Variants in HSD17B7 observed in about 807,000 individuals in gnomAD.
HSD17B7 encodes the protein 3-keto-steroid reductase/17-beta-hydroxysteroid dehydrogenase 7.
HSD17B7 carries 17 observed loss-of-function variants against 34.1 expected under a neutral mutation model. That is an observed-to-expected ratio of 0.50 (90% CI 0.34 to 0.75). The LOEUF is 0.75. Ranked by LOEUF, HSD17B7 falls within the 30% of genes least tolerant of loss-of-function variation. The pLI is 0.01. For synonymous variants in HSD17B7, 122 were observed against 154.6 expected (o/e 0.79, Z 1.56); for missense variants, 296 against 406.6 (o/e 0.73, Z 2.34).
chr1:162,795,824 A>G (rs1204982135), intron 2 of HSD17B7, among the ~76,000 whole-genome samples: 2 of 152,162 alleles, frequency 1.3e-5, no homozygotes, highest in African/African-American at 4.8e-5. Context: ...CTAGTTCAAA[A>G]TGAGTACATT....
rs1224926635 is a variant in HSD17B7, at chr1:162,812,448, A to T, written c.*28A>T. 6.4e-7 allele frequency: 1 copy of T among 1,558,724 alleles called. No homozygotes were observed. Among genetic ancestry groups the T allele is most frequent in the Non-Finnish European group, 8.7e-7 (1 of 1,146,206 alleles). On this transcript the variant is annotated 3_prime_UTR_variant, in exon 9 of 9. Coordinates refer to ENST00000254521, the MANE Select transcript of HSD17B7 (RefSeq NM_016371.4). ...CCAGCACTTTGGGAGGCCAAGGCAG[A>T]AGGATCACTTGAGACCAGGAGTTCA...
rs1328858124 is a variant in HSD17B7, at chr1:162,792,647, T to C, written c.36-12T>C. On this transcript the variant is annotated splice_polypyrimidine_tract_variant and intron_variant, in intron 1 of 8. Coordinates refer to ENST00000254521, the MANE Select transcript of HSD17B7 (RefSeq NM_016371.4). ...AGATAACCCACATCTTGTGTCTGAATTGTCCTCCCAGTGGCATTGGCCTGG... is the reference window on the plus strand; with the variant it reads ...AGATAACCCACATCTTGTGTCTGAACTGTCCTCCCAGTGGCATTGGCCTGG... 1 of 1,608,198 alleles carries C rather than the reference T, an allele frequency of 6.2e-7. No homozygotes were observed. Among genetic ancestry groups the C allele is most frequent in the Non-Finnish European group, 8.5e-7 (1 of 1,177,106 alleles).
Position 162,792,513 on chromosome 1 carries a change from C to T in HSD17B7, c.36-146C>T, listed in dbSNP as rs1648443022. On this transcript the variant is annotated intron_variant, in intron 1 of 8. Transcript: ENST00000254521. ...GACTATTGGAGTGTAGGATTCCTCC[C>T]TTCTTAAATAATTGTTGAGTCTTTT... is the stretch of plus-strand genomic sequence containing the variant. 2.3e-5 allele frequency: 23 copies of T among 1,014,532 alleles called. No individual in the cohort carries two copies. The East Asian group carries it at 6.1e-4, about 27-fold the overall frequency. 62.8% of individuals were successfully genotyped at this position (1,014,532 alleles called of 1,614,324 possible).
At chr1:162,810,913 CTG>C (rs1209748429) in intron 8 of HSD17B7, among the ~76,000 whole-genome samples, 1 of 152,116 alleles carries the variant, frequency 6.6e-6, no homozygotes, top group African/African-American at 2.4e-5. Context: ...ATTTGCCAGT[CTG>C]TGTCTTTTAG....
chr1:162,792,265 T>A (rs1406331822), intron 1 of HSD17B7, among the ~76,000 whole-genome samples: 7 of 152,188 alleles, frequency 4.6e-5, no homozygotes, highest in Non-Finnish European at 8.8e-5. Flanking sequence ...AAAGTCAAAA[T>A]GCACATAGGA....
intron 8 of HSD17B7, among the ~76,000 whole-genome samples, chr1:162,811,529 C>T (rs1233128060): frequency 6.6e-6 from 1 of 152,224 alleles, no homozygotes; most frequent in African/African-American, 2.4e-5. Flanking sequence ...CCTGTACATA[C>T]TGTTGAGATT....
In HSD17B7 at chr1:162,793,023, T is replaced by TTTTC. The variant is rs564465096; in HGVS notation, c.239+169_239+172dup. The TTTTC allele has an allele frequency of 1.2e-3, 577 of 480,014 alleles. 2 individuals carry two copies. Among genetic ancestry groups the TTTTC allele is most frequent in the South Asian group, 9.3e-3 (393 of 42,094 alleles). The allele number at this position is 480,014 out of a possible 1,614,324, so 29.7% of individuals were successfully genotyped here. ...TGACCCATTGTGTCTCAGTACCACG[T>TTTTC]TTTCTTTCTTTTTTTTTTTTTTTTT... On this transcript the variant is annotated intron_variant, in intron 2 of 8. Coordinates refer to ENST00000254521, the MANE Select transcript of HSD17B7 (RefSeq NM_016371.4).
intron 5 of HSD17B7, among the ~76,000 whole-genome samples, chr1:162,802,054 C>T (rs539211066): frequency 6.6e-6 from 1 of 152,026 alleles, no homozygotes; most frequent in South Asian, 2.1e-4. Flanking sequence ...CCTTTTGAAG[C>T]CCTGTGTTAC....
Position 162,796,755 on chromosome 1 carries a change from TGGG to T in HSD17B7, c.332+82_332+84del, listed in dbSNP as rs1022912139. ...GCCTAGTTTTGATGGCATGTTAAGT[TGGG>T]GGGATGAAAGGTAAGGGGTTGTTGA... On this transcript the variant is annotated intron_variant, in intron 3 of 8. Coordinates refer to ENST00000254521, the MANE Select transcript of HSD17B7 (RefSeq NM_016371.4). The T allele has an allele frequency of 1.2e-5, 11 of 891,422 alleles. No homozygotes were observed. In the East Asian group the frequency reaches 1.4e-4, roughly 12 times the overall value. 55.2% of individuals were successfully genotyped at this position (891,422 alleles called of 1,614,324 possible).
At position 162,800,972 on chromosome 1, in the gene HSD17B7, T is replaced by G. The variant is rs549623820; in HGVS notation, c.642+1035T>G. ...CAGGTGGTATTCTGTGTTCTGGCTC[T>G]TAGAATGATGCCCCCCTTTTTTTTT... On this transcript the variant is annotated intron_variant, in intron 5 of 8. Coordinates refer to ENST00000254521, the MANE Select transcript of HSD17B7 (RefSeq NM_016371.4). Among the ~76,000 whole-genome samples, 37 of 152,308 alleles carry G rather than the reference T, an allele frequency of 2.4e-4. No individual in the cohort carries two copies. In the East Asian group the frequency reaches 3.9e-3, roughly 16 times the overall value.
At chr1:162,804,155 A>G (rs1648905572) in intron 6 of HSD17B7, 112 bp from the exon 7 acceptor site, 1 of 645,246 alleles carries the variant, frequency 1.5e-6, no homozygotes, top group African/African-American at 1.9e-5. Flanking sequence ...TTGTTACTTA[A>G]AAAGTGTTCT....
intron 8 of HSD17B7, among the ~76,000 whole-genome samples, chr1:162,810,077 G>A (rs538785601): frequency 6.6e-6 from 1 of 152,236 alleles, no homozygotes; most frequent in East Asian, 1.9e-4. Flanking sequence ...GCTTTCTCTT[G>A]TGGGCTTTTA....
chr1:162,807,423 G>A (rs1489033664), intron 8 of HSD17B7, among the ~76,000 whole-genome samples: 10 of 152,140 alleles, frequency 6.6e-5, no homozygotes, highest in South Asian at 2.1e-4. Context: ...GAATAGTGCC[G>A]CAGTAAACAT....
At chr1:162,805,137 T>C (rs1558096262) in intron 7 of HSD17B7, among the ~76,000 whole-genome samples, 1 of 152,228 alleles carries the variant, frequency 6.6e-6, no homozygotes. Flanking sequence ...GGAATTGGCT[T>C]TGATGCTCTT....
intron 5 of HSD17B7, among the ~76,000 whole-genome samples, chr1:162,801,857 A>T (rs1571004385): frequency 6.6e-6 from 1 of 152,174 alleles, no homozygotes; most frequent in South Asian, 2.1e-4. Flanking sequence ...TTTTCCTTTC[A>T]TAAAAAGGTC....
intron 7 of HSD17B7, among the ~76,000 whole-genome samples, chr1:162,804,957 A>C (rs1296435960): frequency 6.6e-6 from 1 of 152,240 alleles, no homozygotes; most frequent in Non-Finnish European, 1.5e-5. Context: ...ATTGTCCTAC[A>C]TAAAAAGCCC....
At chr1:162,805,615 C>T (rs1276951568) in intron 8 of HSD17B7, 123 bp downstream of exon 8, 1 of 1,424,228 alleles carries the variant, frequency 7.0e-7, no homozygotes, top group East Asian at 2.5e-5. Flanking sequence ...TCACCAGCAT[C>T]ACACTGGCCT....
chr1:162,808,903 G>C (rs1257821821), intron 8 of HSD17B7, among the ~76,000 whole-genome samples: 1 of 152,208 alleles, frequency 6.6e-6, no homozygotes, highest in African/African-American at 2.4e-5. Context: ...ATACAATCAT[G>C]TAATTTGCAA....
In HSD17B7 at chr1:162,799,820, G is replaced by A; in HGVS notation, c.525G>A (p.Arg175=). The A allele has an allele frequency of 6.2e-7, 1 of 1,614,002 alleles. No individual in the cohort carries two copies. Among genetic ancestry groups the A allele is most frequent in the Non-Finnish European group, 8.5e-7 (1 of 1,179,986 alleles). The part of the protein sequence containing the change: ...QLIWTSSRSA[R]KSNFSLEDFQ... ...TCTGGACATCATCTCGCAGTGCAAG[G>A]AAATCTAATTTCAGCCTCGAGGACT... The change falls in exon 5 of 9, where the codon AGG becomes AGA. Residue 175 remains arginine (R), a synonymous_variant. Coordinates refer to ENST00000254521, the MANE Select transcript of HSD17B7 (RefSeq NM_016371.4).
Sources: gnomAD v4.1 joint callset for allele counts (sites outside exome capture counted in the v4.1 genomes callset) on GRCh38, gnomAD v4.1.1 for gene constraint, MANE v1.5 for transcripts, NCBI Gene and HGNC (gene_info 2026-07-23, HGNC 2026-07-21) for gene names.